RBFOX3: variants seen among roughly 807,000 people sequenced by gnomAD.
RBFOX3 encodes the protein RNA binding fox-1 homolog 3.
Under a neutral mutation model 48.7 loss-of-function variants are expected in RBFOX3, and 17 were observed. That is an observed-to-expected ratio of 0.35 (90% CI 0.24 to 0.52). The LOEUF is 0.52. RBFOX3 is among the 20% of genes least tolerant of loss of function. The pLI, the probability that RBFOX3 is intolerant of heterozygous loss-of-function variation, is 0.94. For missense variants in RBFOX3, 382 were observed against 497.5 expected, an observed-to-expected ratio of 0.77 and a Z score of 2.21; for synonymous variants, 212 against 209.5, an observed-to-expected ratio of 1.01 and a Z score of -0.10.
At position 79,454,491 on chromosome 17, in the gene RBFOX3, C is replaced by T. The variant is rs185383516; in HGVS notation, c.-175+27963G>A. ...GAACACTGCCGCTCCCCCACCTTGC[C>T]CACCAAGCCCTCCCAGCACCCCCAA... On this transcript the variant is annotated intron_variant, in intron 2 of 14. Transcript: ENST00000693108. 3.9e-5 allele frequency among the ~76,000 whole-genome samples: 6 copies of T among 152,188 alleles called. No homozygotes were observed. In the East Asian group the frequency reaches 5.8e-4, roughly 15 times the overall value.
At chr17:79,656,136 C>T in the RBFOX3 span, among the ~76,000 whole-genome samples, 95 of 152,302 alleles carry the variant, frequency 6.2e-4, no homozygotes, top group African/African-American at 2.0e-3. Flanking sequence ...GCTCTGTGAA[C>T]AGCCCAAAGG....
At chr17:79,331,802 G>A (rs955217723) in intron 2 of RBFOX3, among the ~76,000 whole-genome samples, 1 of 152,210 alleles carries the variant, frequency 6.6e-6, no homozygotes, top group African/African-American at 2.4e-5. Context: ...GGTCTTTAGT[G>A]ACACTACAGG....
intron 2 of RBFOX3, among the ~76,000 whole-genome samples, chr17:79,438,540 G>A (rs1012702793): frequency 6.6e-6 from 1 of 152,178 alleles, no homozygotes; most frequent in Non-Finnish European, 1.5e-5. Flanking sequence ...TCGCCCTCAC[G>A]ATAGCGGGGC....
At chr17:79,358,972 G>A (rs760897103) in intron 2 of RBFOX3, among the ~76,000 whole-genome samples, 7 of 152,154 alleles carry the variant, frequency 4.6e-5, no homozygotes, top group Non-Finnish European at 8.8e-5. Flanking sequence ...CAGACACCAC[G>A]AGTGGCACAG....
chr17:79,312,019 C>G lies in RBFOX3; in HGVS notation c.-174-4195G>C, dbSNP rs531860675. 3.9e-4 allele frequency among the ~76,000 whole-genome samples: 59 copies of G among 152,312 alleles called. 1 individual carries two copies. The South Asian group carries it at 8.7e-3, about 22-fold the overall frequency. ...CATCTGCCCTCTCCCTTCTCCTCCC[C>G]CTTCCTGACTATCATTTCTCAATTC... On this transcript the variant is annotated intron_variant, in intron 2 of 14. Transcript: ENST00000693108.
chr17:79,231,904 A>G (rs1309205994), intron 4 of RBFOX3, among the ~76,000 whole-genome samples: 1 of 152,188 alleles, frequency 6.6e-6, no homozygotes, highest in Non-Finnish European at 1.5e-5. Context: ...AATACCCAAG[A>G]CTGAGTAATT....
At chr17:79,106,593 C>T in intron 6 of RBFOX3, 58 bp downstream of exon 6, 2 of 1,399,650 alleles carry the variant, frequency 1.4e-6, no homozygotes, top group Non-Finnish European at 1.8e-6. Context: ...CCTGTGGGCG[C>T]CACCCTGGAG....
intron 2 of RBFOX3, among the ~76,000 whole-genome samples, chr17:79,366,415 G>A (rs1381577972): frequency 6.6e-6 from 1 of 152,208 alleles, no homozygotes; most frequent in Non-Finnish European, 1.5e-5. Flanking sequence ...AAAGGAATGG[G>A]TGGGATCTGG....
rs1399407727 is a variant in RBFOX3, at chr17:79,242,749, G to A, written c.-73-6944C>T. On this transcript the variant is annotated intron_variant, in intron 3 of 14. Coordinates refer to ENST00000693108, the MANE Select transcript of RBFOX3 (RefSeq NM_001350451.2). The surrounding 1 kb of genome is among the most constrained non-coding windows in gnomAD (Gnocchi z 5.8). ...GCCCATACTTAGGTCTGTGGGAAGG[G>A]CCACCCCCTTACTGGGCCTCCACAG... Among the ~76,000 whole-genome samples the A allele has an allele frequency of 2.0e-5, 3 of 152,144 alleles. No homozygotes were observed. The highest frequency in any genetic ancestry group is 1.9e-4 in the East Asian group (1 of 5,176).
chr17:79,231,902 A>G (rs1381917163), intron 4 of RBFOX3, among the ~76,000 whole-genome samples: 1 of 152,210 alleles, frequency 6.6e-6, no homozygotes, highest in Non-Finnish European at 1.5e-5. Flanking sequence ...GAAATACCCA[A>G]GACTGAGTAA....
Position 79,138,530 on chromosome 17 carries a change from C to A in RBFOX3, c.-33-22782G>T, listed in dbSNP as rs373371713. The stretch of plus-strand genomic sequence containing the variant: ...CCCACACTGCATCCACACGCATATA[C>A]ACTGTGCATGCTCACTCCTGAGCAC... On this transcript the variant is annotated intron_variant, in intron 4 of 14. Coordinates refer to ENST00000693108, the MANE Select transcript of RBFOX3 (RefSeq NM_001350451.2). Among the ~76,000 whole-genome samples the A allele has an allele frequency of 2.6e-5, 4 of 152,194 alleles. No individual in the cohort carries two copies. In the South Asian group the frequency reaches 8.3e-4, roughly 31 times the overall value.
intron 4 of RBFOX3, among the ~76,000 whole-genome samples, chr17:79,219,402 G>A (rs547405208): frequency 1.3e-5 from 2 of 152,276 alleles, no homozygotes; most frequent in East Asian, 3.9e-4. Context: ...GTGCGTGCGC[G>A]TGCACACACA....
At chr17:79,525,488 C>A (rs939290617) in intron 1 of RBFOX3, among the ~76,000 whole-genome samples, 1 of 152,190 alleles carries the variant, frequency 6.6e-6, no homozygotes, top group Non-Finnish European at 1.5e-5. Context: ...GGAAATGCTT[C>A]CCAGTCTTCC....
chr17:79,127,170 G>A (rs1014688566), intron 4 of RBFOX3, among the ~76,000 whole-genome samples: 4 of 152,200 alleles, frequency 2.6e-5, no homozygotes, highest in African/African-American at 4.8e-5. Flanking sequence ...ATCACCCGAC[G>A]TCACCATCAT....
At chr17:79,655,596 T>C in the RBFOX3 span, among the ~76,000 whole-genome samples, 1 of 152,232 alleles carries the variant, frequency 6.6e-6, no homozygotes, top group Admixed American at 6.5e-5. Context: ...TGGTGGCCTT[T>C]ACTGACCCTG....
chr17:79,648,033 G>C, the RBFOX3 span, among the ~76,000 whole-genome samples: 1 of 151,990 alleles, frequency 6.6e-6, no homozygotes, highest in Non-Finnish European at 1.5e-5. Flanking sequence ...GAGCCTCCTG[G>C]GGGTCCAGCA....
chr17:79,604,801 C>A (rs1233475233), intron 1 of RBFOX3, among the ~76,000 whole-genome samples: 3 of 152,194 alleles, frequency 2.0e-5, no homozygotes, highest in Non-Finnish European at 2.9e-5. Flanking sequence ...AAGAGGTTCC[C>A]ATTTTTCCAT....
At chr17:79,174,384 T>C (rs2050064138) in intron 4 of RBFOX3, among the ~76,000 whole-genome samples, 1 of 147,388 alleles carries the variant, frequency 6.8e-6, no homozygotes, top group Admixed American at 6.8e-5. Flanking sequence ...CACACACACA[T>C]CCACAATGTA....
chr17:79,294,260 T>G (rs1377597858), intron 3 of RBFOX3, among the ~76,000 whole-genome samples: 1 of 152,172 alleles, frequency 6.6e-6, no homozygotes, highest in Non-Finnish European at 1.5e-5. Flanking sequence ...GGGGCATACC[T>G]TTCACCCAGT....
Sources: allele counts gnomAD v4.1 joint callset (sites outside exome capture counted in the v4.1 genomes callset), GRCh38; gene constraint gnomAD v4.1.1; non-coding constraint Gnocchi (gnomAD v3.1); transcripts MANE v1.5; gene names NCBI Gene and HGNC (gene_info 2026-07-23, HGNC 2026-07-21).